The following KIAA1328 variants were observed in gnomAD, a reference collection of about 807,000 sequenced individuals.
The protein encoded by KIAA1328 is KIAA1328, also known as protein hinderin.
Under a neutral mutation model 68.1 loss-of-function variants are expected in KIAA1328, and 52 were observed. The ratio of observed to expected loss-of-function variants is 0.76; its 90% CI spans 0.61 to 0.96. KIAA1328 has a LOEUF of 0.96. Among genes scored for constraint, KIAA1328 ranks in the 40% least tolerant of loss-of-function variants. KIAA1328 has a pLI of 0.00. For synonymous variants in KIAA1328, 232 were observed against 239.4 expected (o/e 0.97, Z 0.28); for missense variants, 641 against 677.6 (o/e 0.95, Z 0.60).
At chr18:37,185,386 T>C (rs1402705080) in intron 9 of KIAA1328, among the ~76,000 whole-genome samples, 1 of 152,018 alleles carries the variant, frequency 6.6e-6, no homozygotes, top group African/African-American at 2.4e-5. Context: ...AATCTTACTA[T>C]ATTATAGGGA....
At chr18:36,945,341 A>AT (rs1194983594) in intron 5 of KIAA1328, among the ~76,000 whole-genome samples, 4 of 151,932 alleles carry the variant, frequency 2.6e-5, no homozygotes, top group Non-Finnish European at 2.9e-5. Flanking sequence ...TGTTCATAAA[A>AT]TTTTTTTTGC....
chr18:37,009,586 G>A (rs1285640892), intron 6 of KIAA1328, among the ~76,000 whole-genome samples: 7 of 152,118 alleles, frequency 4.6e-5, no homozygotes, highest in African/African-American at 1.7e-4. Context: ...AGCAAGTTGA[G>A]GCCAGGGATA....
intron 5 of KIAA1328, among the ~76,000 whole-genome samples, chr18:36,901,585 G>T (rs891346400): frequency 6.6e-6 from 1 of 151,956 alleles, no homozygotes; most frequent in Non-Finnish European, 1.5e-5. Context: ...CCAGTTTTTG[G>T]TCTTTGTGGA....
intron 5 of KIAA1328, among the ~76,000 whole-genome samples, chr18:36,889,126 A>G (rs2048596819): frequency 6.6e-6 from 1 of 152,218 alleles, no homozygotes; most frequent in South Asian, 2.1e-4. Flanking sequence ...ATTTATTATT[A>G]AAACATAAAA....
downstream of KIAA1328, among the ~76,000 whole-genome samples, chr18:37,228,991 A>G (rs1247835): frequency 1.3e-5 from 2 of 152,220 alleles, no homozygotes; most frequent in African/African-American, 4.8e-5. Context: ...CATAACTTTT[A>G]TATGCACTGG....
At chr18:37,102,103 TA>T in intron 7 of KIAA1328, among the ~76,000 whole-genome samples, 1 of 152,282 alleles carries the variant, frequency 6.6e-6, no homozygotes, top group South Asian at 2.1e-4. Context: ...TAAAAATTCT[TA>T]AGACAATACT....
chr18:37,149,825 A>G (rs575974130), intron 7 of KIAA1328, among the ~76,000 whole-genome samples: 66 of 152,298 alleles, frequency 4.3e-4, no homozygotes, highest in Admixed American at 8.5e-4. Flanking sequence ...AACAACACTA[A>G]AAGTTGATTC....
intron 5 of KIAA1328, among the ~76,000 whole-genome samples, chr18:36,935,627 T>C (rs1284607497): frequency 6.6e-6 from 1 of 152,174 alleles, no homozygotes; most frequent in African/African-American, 2.4e-5. Context: ...AGTGATCCTT[T>C]CATAGTATTC....
chr18:37,148,117 C>T (rs1358549023), intron 7 of KIAA1328, among the ~76,000 whole-genome samples: 1 of 152,002 alleles, frequency 6.6e-6, no homozygotes, highest in East Asian at 1.9e-4. Flanking sequence ...TTTCCTAATG[C>T]TCTCCCTCCC....
intron 7 of KIAA1328, among the ~76,000 whole-genome samples, chr18:37,136,207 C>A (rs933881733): frequency 1.3e-5 from 2 of 152,160 alleles, no homozygotes; most frequent in Non-Finnish European, 2.9e-5. Context: ...GTTGATTCAC[C>A]AGTGGACCTT....
intron 5 of KIAA1328, chr18:36,946,463 T>C (rs936965616): frequency 2.0e-5 from 3 of 152,210 alleles, no homozygotes; most frequent in African/African-American, 7.2e-5. Flanking sequence ...AGAAGCTTGT[T>C]AGACCCTACC....
At chr18:36,920,191 TA>T (rs2049863676) in intron 5 of KIAA1328, among the ~76,000 whole-genome samples, 1 of 152,214 alleles carries the variant, frequency 6.6e-6, no homozygotes, top group Non-Finnish European at 1.5e-5. Context: ...TTTGAGATCT[TA>T]TAAGTCTTTA....
intron 5 of KIAA1328, among the ~76,000 whole-genome samples, chr18:36,909,072 G>A (rs1358630448): frequency 2.0e-5 from 3 of 152,044 alleles, no homozygotes; most frequent in African/African-American, 4.8e-5. Context: ...TTACCCTTCT[G>A]TTGACTTTGA....
intron 3 of KIAA1328, among the ~76,000 whole-genome samples, chr18:36,836,631 T>C (rs527529618): frequency 6.6e-6 from 1 of 152,282 alleles, no homozygotes; most frequent in East Asian, 1.9e-4. Context: ...AATTGAGATA[T>C]AATTTGCATA....
chr18:36,990,987 C>T (rs2053155279), intron 6 of KIAA1328, among the ~76,000 whole-genome samples: 1 of 152,082 alleles, frequency 6.6e-6, no homozygotes, highest in Admixed American at 6.6e-5. Flanking sequence ...CTAGATCTTC[C>T]AAAGAATTAA....
intron 5 of KIAA1328, among the ~76,000 whole-genome samples, chr18:36,912,583 G>A (rs905716996): frequency 3.3e-5 from 5 of 152,022 alleles, no homozygotes; most frequent in Admixed American, 2.0e-4. Context: ...CCGTTACTCC[G>A]CCTGCCTACC....
At chr18:36,951,331 G>A (rs988913828) in intron 5 of KIAA1328, among the ~76,000 whole-genome samples, 1 of 152,110 alleles carries the variant, frequency 6.6e-6, no homozygotes, top group Non-Finnish European at 1.5e-5. Context: ...ATCTCATTCA[G>A]TCTCAGATGT....
intron 8 of KIAA1328, among the ~76,000 whole-genome samples, chr18:37,167,891 T>G (rs193233036): frequency 6.6e-6 from 1 of 151,902 alleles, no homozygotes; most frequent in East Asian, 2.0e-4. Context: ...CTCCCTGATA[T>G]CAAAGCCAGA....
chr18:37,046,367 C>T (rs1386386670), intron 6 of KIAA1328, among the ~76,000 whole-genome samples: 2 of 151,984 alleles, frequency 1.3e-5, no homozygotes, highest in African/African-American at 2.4e-5. Flanking sequence ...GATGGCTTTT[C>T]ATCTAAGAAT....
Sources: allele counts gnomAD v4.1 joint callset (sites outside exome capture counted in the v4.1 genomes callset), GRCh38; gene constraint gnomAD v4.1.1; transcripts MANE v1.5; gene names NCBI Gene and HGNC (gene_info 2026-07-23, HGNC 2026-07-21).